The following CRYBG2 variants were observed in gnomAD, a reference collection of about 807,000 sequenced individuals.
The protein encoded by CRYBG2 is crystallin beta-gamma domain containing 2, also known as beta/gamma crystallin domain-containing protein 2.
Under a neutral mutation model 153.4 loss-of-function variants are expected in CRYBG2, and 106 were observed. That is an observed-to-expected ratio of 0.69 (90% CI 0.59 to 0.81). The LOEUF (loss-of-function observed/expected upper bound fraction) is 0.81, where lower values mean the gene tolerates loss of function less well. Among genes scored for constraint, CRYBG2 ranks in the 30% least tolerant of loss-of-function variants. The pLI is 0.00. For missense variants in CRYBG2, 1,996 were observed against 2,112.0 expected, an observed-to-expected ratio of 0.95 and a Z score of 1.08; for synonymous variants, 851 against 877.8, an observed-to-expected ratio of 0.97 and a Z score of 0.54.
In CRYBG2 at chr1:26,345,258, G is replaced by A. The variant is rs2074197643; in HGVS notation, c.1400C>T (p.Pro467Leu). 1 of 1,612,106 alleles carries A rather than the reference G, an allele frequency of 6.2e-7. No individual in the cohort carries two copies. Among genetic ancestry groups the A allele is most frequent in the Non-Finnish European group, 8.5e-7 (1 of 1,179,550 alleles). ...GGGAGATGAGGCAGCAGGAGCACCGGGGCCCTTCACGACCTCCCTCTGGGT... is the reference window on the plus strand; with the variant it reads ...GGGAGATGAGGCAGCAGGAGCACCGAGGCCCTTCACGACCTCCCTCTGGGT... ...PFTQREVVKG[P>L]GAPAASSPTR... The change falls in exon 2 of 20, where the codon CCC (proline) becomes CTC (leucine). Residue 467 changes from proline to leucine, a missense_variant. Coordinates refer to ENST00000308182, the MANE Select transcript of CRYBG2 (RefSeq NM_001039775.4).
chr1:26,328,781 G>C lies in CRYBG2; in HGVS notation c.4407C>G (p.Ala1469=). 1 of 1,614,030 alleles carries C rather than the reference G, an allele frequency of 6.2e-7. No homozygotes were observed. Among genetic ancestry groups the C allele is most frequent in the African/African-American group, 1.3e-5 (1 of 74,988 alleles). The change falls in exon 16 of 20, where the codon GCC becomes GCG. Residue 1469 remains alanine (A), a synonymous_variant. Coordinates refer to ENST00000308182, the MANE Select transcript of CRYBG2 (RefSeq NM_001039775.4). ...ELSREVRSLQ[A]EGFNNHVLSV... is the part of the protein sequence containing the mutation. The stretch of plus-strand genomic sequence containing the variant: ...ACAGCACATGGTTGTTGAAGCCCTC[G>C]GCTTGCAGGCTCCGCACCTCCCTGC...
At position 26,331,554 on chromosome 1, in the gene CRYBG2, G is replaced by A. The variant is rs555569045; in HGVS notation, c.4249C>T (p.Pro1417Ser). ...DQHILSEGEF[P>S]TLTAMGCLAS... ...AGGCAGCCCATGGCCGTGAGAGTGG[G>A]GAACTCGCCCTCAGAGAGAATGTGC... Residue 1417 changes from proline (P) to serine (S), a missense_variant, in exon 15 of 20, where the codon CCC becomes TCC. Coordinates refer to ENST00000308182, the MANE Select transcript of CRYBG2 (RefSeq NM_001039775.4). The A allele has an allele frequency of 6.2e-7, 1 of 1,614,124 alleles. No individual in the cohort carries two copies. The highest frequency in any genetic ancestry group is 2.2e-5 in the East Asian group (1 of 44,886).
chr1:26,343,098 A>G lies in CRYBG2; in HGVS notation c.3023T>C (p.Val1008Ala), dbSNP rs2074152539. The G allele has an allele frequency of 1.9e-6, 3 of 1,550,408 alleles. No homozygotes were observed. The highest frequency in any genetic ancestry group is 1.7e-6 in the Non-Finnish European group (2 of 1,146,954). Residue 1008 changes from valine (V) to alanine (A), a missense_variant, in exon 4 of 20, where the codon GTT (valine) becomes GCT (alanine). Val to Ala is a moderately conservative substitution (Grantham distance 64). Transcript: ENST00000308182. This position sits in a 1 kb window ranked among gnomAD's most constrained non-coding sequence, Gnocchi z 4.1. ...TACGGGGGCCCAGCCTGAGGCATCA[A>G]CGATGTCTCCCCAGACCTCCCTGCC... The part of the protein sequence containing the change: ...GSGREVWGDI[V>A]DASGWAPVAS...
chr1:26,338,284 G>A (rs1255955312), intron 7 of CRYBG2, 67 bp downstream of exon 7: 4 of 1,532,530 alleles, frequency 2.6e-6, no homozygotes, highest in South Asian at 2.6e-5. Flanking sequence ...CAGACTGCAG[G>A]ACCAGCTACT....
chr1:26,347,284 GTTTTTTT>G (rs1198055868), intron 1 of CRYBG2, among the ~76,000 whole-genome samples: 4 of 73,876 alleles, frequency 5.4e-5, no homozygotes, highest in Admixed American at 4.2e-4. Context: ...CTCCCCCTGC[GTTTTTTT>G]TTTTTTTTTT....
chr1:26,330,821 G>C (rs899248644), intron 15 of CRYBG2, among the ~76,000 whole-genome samples: 1 of 152,086 alleles, frequency 6.6e-6, no homozygotes, highest in Non-Finnish European at 1.5e-5. Flanking sequence ...TTACAGGCAT[G>C]AGCCACCACA....
rs765497988 is a variant in CRYBG2, at chr1:26,324,211, C to G, written c.4678G>C (p.Asp1560His). The change falls in exon 18 of 20, where the codon GAC becomes CAC. Residue 1560 changes from aspartate (D) to histidine (H), a missense_variant. Transcript: ENST00000308182. ...ATGCAGCTACCTCCAGCTTGGGGGTCGGCGACCACCACACGGCCTGCTTTC... is the reference window on the plus strand; with the variant it reads ...ATGCAGCTACCTCCAGCTTGGGGGTGGGCGACCACCACACGGCCTGCTTTC... ...DMKAGRVVVA[D>H]PQAGGSCIWY... 1 of 1,613,240 alleles carries G rather than the reference C, an allele frequency of 6.2e-7. No individual in the cohort carries two copies. The highest frequency in any genetic ancestry group is 8.5e-7 in the Non-Finnish European group (1 of 1,179,972).
chr1:26,340,746 G>A (rs2074118464), intron 5 of CRYBG2, among the ~76,000 whole-genome samples: 1 of 151,968 alleles, frequency 6.6e-6, no homozygotes, highest in Non-Finnish European at 1.5e-5. Context: ...CCAAGTAGCT[G>A]GGATTACAGG....
chr1:26,339,001 C>A (rs903540450), intron 6 of CRYBG2, among the ~76,000 whole-genome samples: 59 of 152,234 alleles, frequency 3.9e-4, no homozygotes, highest in African/African-American at 1.4e-3. Context: ...AACAAGCATA[C>A]ACAATCTCTG....
At chr1:26,342,613 G>A (rs2074144233) in intron 5 of CRYBG2, 141 bp downstream of exon 5, 1 of 1,227,498 alleles carries the variant, frequency 8.1e-7, no homozygotes, top group Admixed American at 2.2e-5. Flanking sequence ...TGGCCAGGCT[G>A]GTCTCCAACT....
chr1:26,344,101 C>T lies in CRYBG2; in HGVS notation c.2557G>A (p.Gly853Arg). The change falls in exon 2 of 20, where the codon GGG becomes AGG. Residue 853 changes from glycine (G) to arginine (R), a missense_variant. Physicochemically the swap from Gly to Arg is moderately radical, Grantham distance 125. Coordinates refer to ENST00000308182, the MANE Select transcript of CRYBG2 (RefSeq NM_001039775.4). Reference protein sequence around the residue: ...EKLQRRQEKAGPSPSRDLHPA... With the variant: ...EKLQRRQEKARPSPSRDLHPA... ...TGGAGGTCCCTGGAGGGGCTGGGCC[C>T]AGCTTTCTCCTGCCTGCGCTGGAGC... 3 of 1,536,150 alleles carry T rather than the reference C, an allele frequency of 2.0e-6. No individual in the cohort carries two copies. Among genetic ancestry groups the T allele is most frequent in the Non-Finnish European group, 2.6e-6 (3 of 1,146,906 alleles).
In CRYBG2 at chr1:26,328,788, A is replaced by G. The variant is rs780475589; in HGVS notation, c.4400T>C (p.Leu1467Pro). 1.9e-6 allele frequency: 3 copies of G among 1,614,038 alleles called. No individual in the cohort carries two copies. The highest frequency in any genetic ancestry group is 2.2e-5 in the South Asian group (2 of 91,084). Residue 1467 changes from leucine to proline, a missense_variant, in exon 16 of 20, where the codon CTG becomes CCG. Coordinates refer to ENST00000308182, the MANE Select transcript of CRYBG2 (RefSeq NM_001039775.4). ...EIELSREVRS[L>P]QAEGFNNHVL... ...ATGGTTGTTGAAGCCCTCGGCTTGC[A>G]GGCTCCGCACCTCCCTGCTGAGCTC...
Position 26,345,325 on chromosome 1 carries a change from T to TATTC in CRYBG2, c.1329_1332dup (p.Lys445GlufsTer2). ...ACATTTTCAGAGTTCTGAACAAACT[T>TATTC]ATTCCTTGGGGACGATGGAGCAGAA... On this transcript the variant is annotated frameshift_variant, in exon 2 of 20. Coordinates refer to ENST00000308182, the MANE Select transcript of CRYBG2 (RefSeq NM_001039775.4). LOFTEE classifies it high-confidence loss of function. 6.2e-7 allele frequency: 1 copy of TATTC among 1,613,462 alleles called. No individual in the cohort carries two copies. Among genetic ancestry groups the TATTC allele is most frequent in the South Asian group, 1.1e-5 (1 of 91,080 alleles).
chr1:26,328,864 C>G lies in CRYBG2; in HGVS notation c.4324G>C (p.Glu1442Gln). The change falls in exon 16 of 20, where the codon GAG becomes CAG. Residue 1442 changes from glutamate to glutamine, a missense_variant. Transcript: ENST00000308182. ...SLQKVSLHFS[E>Q]PSIFLYGLEC... is the part of the protein sequence containing the mutation. ...AGTCCATACAGGAAAATGGAAGGCT[C>G]TGAAAAGTGCTGGGGCCCAGGAGAC... is the stretch of plus-strand genomic sequence containing the variant. 1 of 1,614,092 alleles carries G rather than the reference C, an allele frequency of 6.2e-7. No homozygotes were observed. The highest frequency in any genetic ancestry group is 8.5e-7 in the Non-Finnish European group (1 of 1,180,014).
rs201512016 is a variant in CRYBG2, at chr1:26,337,641, G to A, written c.3541C>T (p.Arg1181Cys). The A allele has an allele frequency of 2.8e-4, 458 of 1,612,470 alleles. 1 individual carries two copies. The highest frequency in any genetic ancestry group is 3.5e-4 in the Non-Finnish European group (413 of 1,179,932). Residue 1181 changes from arginine to cysteine, a missense_variant, in exon 9 of 20, where the codon CGC (arginine) becomes TGC (cysteine). By Grantham distance (180) the Arg-to-Cys change is radical. Transcript: ENST00000308182. ...VVYEAPGFQG[R>C]SWEVSRDIYN... ...ATGTCTCGGCTCACTTCCCAGCTGC[G>A]GCCCTGAAAGCCTGGGGCCTCATAC...
Position 26,331,460 on chromosome 1 carries a change from A to G in CRYBG2, c.4314+29T>C, listed in dbSNP as rs762138418. 2.5e-6 allele frequency: 4 copies of G among 1,597,654 alleles called. 1 individual carries two copies. In the Admixed American group the frequency reaches 6.7e-5, roughly 27 times the overall value. ...CACAGCAGCAACTTCTGCTTCCGGG[A>G]TTGCCTGGAACCAGACATGGAAACT... On this transcript the variant is annotated intron_variant, in intron 15 of 19. Coordinates refer to ENST00000308182, the MANE Select transcript of CRYBG2 (RefSeq NM_001039775.4).
At chr1:26,337,102 G>A (rs2074070171) in intron 10 of CRYBG2, 122 bp from the exon 11 acceptor site, 1 of 1,555,838 alleles carries the variant, frequency 6.4e-7, no homozygotes, top group South Asian at 1.2e-5. Context: ...ACGACCTGGA[G>A]AAGAGCAGCA....
intron 18 of CRYBG2, among the ~76,000 whole-genome samples, chr1:26,323,553 C>T (rs1450881743): frequency 6.6e-6 from 1 of 152,224 alleles, no homozygotes; most frequent in Admixed American, 6.5e-5. Context: ...GCATCTAGAA[C>T]AGAGCCTGGC....
Position 26,324,166 on chromosome 1 carries a change from G to A in CRYBG2, c.4723C>T (p.Leu1575=). 2 of 1,613,580 alleles carry A rather than the reference G, an allele frequency of 1.2e-6. No homozygotes were observed. Among genetic ancestry groups the A allele is most frequent in the Non-Finnish European group, 1.7e-6 (2 of 1,179,930 alleles). ...TGTATCAGTACCTGGTTCTTCAGCA[G>A]CCCATCCTCGTAGTACCAGATGCAG... ...GSCIWYYEDG[L]LKNQMAPTMS... is the part of the protein sequence containing the mutation. Residue 1575 remains leucine (L), a synonymous_variant, in exon 18 of 20, where the codon CTG becomes TTG. Transcript: ENST00000308182.
Sources: gnomAD v4.1 joint callset for allele counts (sites outside exome capture counted in the v4.1 genomes callset) on GRCh38, gnomAD v4.1.1 for gene constraint, Gnocchi (gnomAD v3.1) non-coding constraint, MANE v1.5 for transcripts, NCBI Gene and HGNC (gene_info 2026-07-23, HGNC 2026-07-21) for gene names.